Variants in AMN1 observed in about 807,000 individuals in gnomAD.
AMN1 encodes protein AMN1 homolog.
Under a neutral mutation model 33.0 loss-of-function variants are expected in AMN1, and 20 were observed. The ratio of observed to expected loss-of-function variants is 0.61; its 90% CI spans 0.43 to 0.88. The LOEUF is 0.88. Ranked by LOEUF, AMN1 falls within the 40% of genes least tolerant of loss-of-function variation. The pLI is 0.00. For synonymous variants in AMN1, 114 were observed against 111.9 expected, an observed-to-expected ratio of 1.02 and a Z score of -0.12; for missense variants, 246 against 307.4, an observed-to-expected ratio of 0.80 and a Z score of 1.49.
chr12:31,708,185 C>T (rs1178755514), intron 2 of AMN1, among the ~76,000 whole-genome samples: 3 of 152,162 alleles, frequency 2.0e-5, no homozygotes. Flanking sequence ...TGCAGAGAGC[C>T]TATAAACAGA....
intron 1 of AMN1, chr12:31,714,777 T>C: frequency 3.2e-6 from 1 of 311,900 alleles, no homozygotes; most frequent in Non-Finnish European, 4.7e-6. Context: ...AGCAAGAAAC[T>C]CAAAAGCAGA....
intron 1 of AMN1, among the ~76,000 whole-genome samples, chr12:31,709,741 A>G (rs1939395244): frequency 2.0e-5 from 3 of 152,154 alleles, no homozygotes; most frequent in African/African-American, 7.2e-5. Context: ...AGGTGGGAGG[A>G]TCGCTTGGGC....
intron 1 of AMN1, among the ~76,000 whole-genome samples, chr12:31,724,343 C>G (rs1387549485): frequency 6.6e-6 from 1 of 152,154 alleles, no homozygotes; most frequent in Non-Finnish European, 1.5e-5. Context: ...TATGTGAATG[C>G]AGTAGCCCTG....
chr12:31,686,904 A>G (rs1938287392), intron 6 of AMN1, among the ~76,000 whole-genome samples: 1 of 152,244 alleles, frequency 6.6e-6, no homozygotes, highest in Non-Finnish European at 1.5e-5. Flanking sequence ...CACATGATAT[A>G]AAATTCAAAA....
chr12:31,702,559 TGTTC>T (rs1363357800), intron 2 of AMN1, among the ~76,000 whole-genome samples: 3 of 152,104 alleles, frequency 2.0e-5, no homozygotes, highest in South Asian at 2.1e-4. Flanking sequence ...TGTATTTTTC[TGTTC>T]TTTATTTTTT....
At chr12:31,674,344 A>G (rs915197187) in intron 6 of AMN1, among the ~76,000 whole-genome samples, 2 of 151,582 alleles carry the variant, frequency 1.3e-5, no homozygotes, top group African/African-American at 2.4e-5. Context: ...GGAGGCGGAG[A>G]TTGCAGTAAG....
chr12:31,720,671 C>A (rs1281709964), intron 1 of AMN1, among the ~76,000 whole-genome samples: 1 of 152,136 alleles, frequency 6.6e-6, no homozygotes, highest in Non-Finnish European at 1.5e-5. Context: ...CAATATGTGG[C>A]CTCTGTGTCT....
At chr12:31,695,303 T>C (rs1052177278) in intron 5 of AMN1, among the ~76,000 whole-genome samples, 6 of 152,142 alleles carry the variant, frequency 3.9e-5, no homozygotes, top group Non-Finnish European at 8.8e-5. Flanking sequence ...AATTACAAGA[T>C]AATGTTGTAA....
At position 31,672,372 on chromosome 12, in the gene AMN1, A is replaced by T. The variant is rs749422450; in HGVS notation, c.709T>A (p.Ser237Thr). The T allele has an allele frequency of 6.4e-7, 1 of 1,566,172 alleles. No homozygotes were observed. The highest frequency in any genetic ancestry group is 8.7e-7 in the Non-Finnish European group (1 of 1,152,552). ...ACTAATTGCTCCAACACTTCTCGGG[A>T]ATGATCTATAAAAGAAAACAATGAC... ...FHGCPLITDH[S>T]REVLEQLVGP... The change falls in exon 7 of 7, where the codon TCC becomes ACC. Residue 237 changes from serine (S) to threonine (T), a missense_variant. Transcript: ENST00000281471.
chr12:31,694,319 A>G lies in AMN1; in HGVS notation c.591+3042T>C, dbSNP rs139882009. On this transcript the variant is annotated intron_variant, in intron 5 of 6. Transcript: ENST00000281471. Reference sequence around the variant, plus strand: ...TAGCTGGGCATGGTGGCAGCTGCCTATAATCCCAGCTACTTGGGAGGCTGA... The same window carrying G: ...TAGCTGGGCATGGTGGCAGCTGCCTGTAATCCCAGCTACTTGGGAGGCTGA... 8.3e-3 allele frequency among the ~76,000 whole-genome samples: 1,266 copies of G among 151,658 alleles called. 18 individuals are homozygous for G. Among genetic ancestry groups the G allele is most frequent in the African/African-American group, 0.029 (1,194 of 41,346 alleles).
At chr12:31,688,234 A>G (rs925155035) in intron 6 of AMN1, among the ~76,000 whole-genome samples, 1 of 152,218 alleles carries the variant, frequency 6.6e-6, no homozygotes. Context: ...GATTATAGGC[A>G]TGAGCCACCA....
chr12:31,692,068 G>A (rs1160153521), intron 5 of AMN1, among the ~76,000 whole-genome samples: 1 of 151,722 alleles, frequency 6.6e-6, no homozygotes, highest in Admixed American at 6.6e-5. Flanking sequence ...AGTAGAGACA[G>A]GGTTTCACCA....
rs576552702 is a variant in AMN1 at position 31,683,739 on chromosome 12, T to C, written c.703+5268A>G. 3.9e-5 allele frequency among the ~76,000 whole-genome samples: 6 copies of C among 152,306 alleles called. No homozygotes were observed. In the East Asian group the frequency reaches 1.2e-3, roughly 29 times the overall value. ...TGGAACTGTGAGTCCATTAAACCTC[T>C]TTTTCTTTATAAGTTACCCAGTCTT... On this transcript the variant is annotated intron_variant, in intron 6 of 6. Coordinates refer to ENST00000281471, the MANE Select transcript of AMN1 (RefSeq NM_001113402.2). The surrounding 1 kb of genome is among the most constrained non-coding windows in gnomAD (Gnocchi z 4.1).
intron 1 of AMN1, among the ~76,000 whole-genome samples, chr12:31,709,995 G>A (rs1269025294): frequency 6.6e-6 from 1 of 152,006 alleles, no homozygotes; most frequent in Non-Finnish European, 1.5e-5. Context: ...CAACAAGAAT[G>A]TTTTTCCTAA....
At chr12:31,700,690 A>G (rs1938952770) in intron 3 of AMN1, among the ~76,000 whole-genome samples, 1 of 151,564 alleles carries the variant, frequency 6.6e-6, no homozygotes, top group Admixed American at 6.6e-5. Context: ...TTTTAATTTT[A>G]ATTTTATTTA....
intron 6 of AMN1, among the ~76,000 whole-genome samples, chr12:31,688,626 G>A (rs1181723960): frequency 6.6e-6 from 1 of 152,042 alleles, no homozygotes; most frequent in Non-Finnish European, 1.5e-5. Flanking sequence ...TGGGCAACAC[G>A]GGGAAATCCC....
At chr12:31,674,474 C>T (rs924895788) in intron 6 of AMN1, among the ~76,000 whole-genome samples, 1 of 151,872 alleles carries the variant, frequency 6.6e-6, no homozygotes, top group African/African-American at 2.4e-5. Flanking sequence ...ATGGTCCTCT[C>T]TCCTTCTACT....
At chr12:31,682,957 G>A (rs1000471663) in intron 6 of AMN1, among the ~76,000 whole-genome samples, 2 of 144,766 alleles carry the variant, frequency 1.4e-5, no homozygotes, top group African/African-American at 5.2e-5. Context: ...AAAGGGGTAT[G>A]CTATTCTTTT....
intron 2 of AMN1, among the ~76,000 whole-genome samples, chr12:31,706,174 TG>T (rs1939227877): frequency 6.6e-6 from 1 of 151,632 alleles, no homozygotes; most frequent in Non-Finnish European, 1.5e-5. Context: ...TAGCTGGGTG[TG>T]GTGGCGGGCG....
Sources: gnomAD v4.1 joint callset for allele counts (sites outside exome capture counted in the v4.1 genomes callset) on GRCh38, gnomAD v4.1.1 for gene constraint, Gnocchi (gnomAD v3.1) non-coding constraint, MANE v1.5 for transcripts, NCBI Gene and HGNC (gene_info 2026-07-23, HGNC 2026-07-21) for gene names.